Variants in SYTL2 observed in about 807,000 individuals in gnomAD.
SYTL2 encodes synaptotagmin-like protein 2.
A neutral mutation model predicts 198.7 loss-of-function variants in SYTL2; 165 were observed. The ratio of observed to expected loss-of-function variants is 0.83; its 90% CI spans 0.73 to 0.94. The LOEUF is 0.94. Ranked by LOEUF, SYTL2 falls within the 40% of genes least tolerant of loss-of-function variation. The pLI is 0.00. For missense variants in SYTL2, 2,835 were observed against 2,582.8 expected (o/e 1.10, Z -2.12); for synonymous variants, 966 against 917.7 (o/e 1.05, Z -0.95).
chr11:85,845,424 T>A, the SYTL2 span, among the ~76,000 whole-genome samples: 1 of 152,172 alleles, frequency 6.6e-6, no homozygotes, highest in Admixed American at 6.5e-5. Context: ...TAATTTGTTG[T>A]GCAATAATAG....
At chr11:85,846,246 C>T in the SYTL2 span, among the ~76,000 whole-genome samples, 3 of 152,166 alleles carry the variant, frequency 2.0e-5, no homozygotes, top group Non-Finnish European at 4.4e-5. Context: ...CCAAAAGAAC[C>T]ATGGGGAAGC....
At chr11:85,743,191 G>A (rs1251834035) in intron 4 of SYTL2, among the ~76,000 whole-genome samples, 2 of 152,192 alleles carry the variant, frequency 1.3e-5, no homozygotes, top group Non-Finnish European at 2.9e-5. Context: ...AGTTCACTTA[G>A]TCTAAAAGTA....
At chr11:85,709,148 A>C (rs2085786814) in intron 14 of SYTL2, among the ~76,000 whole-genome samples, 183 bp downstream of exon 14, 1 of 151,800 alleles carries the variant, frequency 6.6e-6, no homozygotes, top group Non-Finnish European at 1.5e-5. Flanking sequence ...TTTCTCTGTG[A>C]TTTTTATAAT....
At chr11:85,709,941 C>A (rs367745710) in intron 13 of SYTL2, among the ~76,000 whole-genome samples, 72 of 152,308 alleles carry the variant, frequency 4.7e-4, no homozygotes, top group African/African-American at 1.7e-3. Flanking sequence ...CCTCGGCCTC[C>A]CAAAGTGCTG....
chr11:85,723,222 C>T (rs939070079), intron 8 of SYTL2, among the ~76,000 whole-genome samples: 2 of 152,206 alleles, frequency 1.3e-5, no homozygotes, highest in African/African-American at 4.8e-5. Flanking sequence ...CCCCCACGTT[C>T]ATGTAGATGA....
the SYTL2 span, among the ~76,000 whole-genome samples, chr11:85,826,448 C>G: frequency 2.0e-5 from 3 of 152,168 alleles, no homozygotes; most frequent in African/African-American, 7.2e-5. Flanking sequence ...TCTGCAGATT[C>G]CATGTGTATG....
chr11:85,806,677 G>T (rs753002426), intron 1 of SYTL2, among the ~76,000 whole-genome samples: 7 of 152,180 alleles, frequency 4.6e-5, no homozygotes, highest in East Asian at 1.9e-4. Flanking sequence ...AGGAGGAGGC[G>T]TCAAAAGCTT....
intron 1 of SYTL2, among the ~76,000 whole-genome samples, chr11:85,772,973 C>A (rs1238787113): frequency 6.6e-6 from 1 of 152,188 alleles, no homozygotes; most frequent in Non-Finnish European, 1.5e-5. Flanking sequence ...ATGATAAATC[C>A]TTGGCCAAAT....
rs1339780877 is a variant in SYTL2 at position 85,734,200 on chromosome 11, CT to C, written c.1128del (p.Glu377SerfsTer35). The C allele has an allele frequency of 5.6e-6, 9 of 1,614,048 alleles. No homozygotes were observed. In the Admixed American group the frequency reaches 1.5e-4, roughly 27 times the overall value. ...KNGMEDAGDT[E>X]EFQSDPKPSQ... Reference sequence around the variant, plus strand: ...GAAGGCTTAGGGTCACTCTGAAACTCTTCTGTGTCCCCTGCATCTTCCATTC... The same window carrying C: ...GAAGGCTTAGGGTCACTCTGAAACTCTCTGTGTCCCCTGCATCTTCCATTC... On this transcript the variant is annotated frameshift_variant, in exon 7 of 20. Transcript: ENST00000359152. LOFTEE classifies it high-confidence loss of function.
In SYTL2 at chr11:85,757,857, C is replaced by T; in HGVS notation, c.-132G>A. 4 of 1,366,160 alleles carry T rather than the reference C, an allele frequency of 2.9e-6. No individual in the cohort carries two copies. Among genetic ancestry groups the T allele is most frequent in the Admixed American group, 2.2e-5 (1 of 45,452 alleles). The allele number at this position is 1,366,160 out of a possible 1,614,324, so 84.6% of individuals were successfully genotyped here. A position where few individuals can be genotyped will look rare whatever the true frequency, so the allele number is the denominator to read the frequency against. On this transcript the variant is annotated 5_prime_UTR_variant, in exon 2 of 20. Transcript: ENST00000359152. Reference sequence around the variant, plus strand: ...ATCTTGTTCAGTTCTGCATCAAAGTCTTATTTTGGCTCAGCAAAAGTTTAG... The same window carrying T: ...ATCTTGTTCAGTTCTGCATCAAAGTTTTATTTTGGCTCAGCAAAAGTTTAG...
chr11:85,709,150 T>C (rs2085787333), intron 14 of SYTL2, among the ~76,000 whole-genome samples, 181 bp downstream of exon 14: 1 of 151,992 alleles, frequency 6.6e-6, no homozygotes, highest in Non-Finnish European at 1.5e-5. Flanking sequence ...TCTCTGTGAT[T>C]TTTATAATTT....
At chr11:85,795,146 C>A (rs926963613) in intron 1 of SYTL2, among the ~76,000 whole-genome samples, 1 of 152,054 alleles carries the variant, frequency 6.6e-6, no homozygotes, top group African/African-American at 2.4e-5. Context: ...CATAGTGAAC[C>A]TTGTATTAGC....
chr11:85,736,405 T>C (rs2090339194), intron 6 of SYTL2, 96 bp downstream of exon 6: 4 of 658,800 alleles, frequency 6.1e-6, no homozygotes, highest in Non-Finnish European at 7.6e-6. Context: ...TTTCACTTTC[T>C]CTTGGAAGTT....
At position 85,714,583 on chromosome 11, in the gene SYTL2, CTTTTA is replaced by C. The variant is rs112225857; in HGVS notation, c.5531-81_5531-77del. On this transcript the variant is annotated intron_variant, in intron 11 of 19. Transcript: ENST00000359152. ...CATTAGACATTAAGTTGAAAACATA[CTTTTA>C]TTTAATCTATGAACAAACATGTTTT... is the stretch of plus-strand genomic sequence containing the variant. 644 of 1,548,910 alleles carry C rather than the reference CTTTTA, an allele frequency of 4.2e-4. 8 individuals carry two copies. In the African/African-American group the frequency reaches 4.8e-3, roughly 12 times the overall value.
chr11:85,853,341 C>T, the SYTL2 span: 1 of 444,998 alleles, frequency 2.2e-6, no homozygotes, highest in Non-Finnish European at 4.5e-6. Context: ...CCTTGGGATG[C>T]TGTTGATCTA....
the SYTL2 span, among the ~76,000 whole-genome samples, chr11:85,845,533 C>A: frequency 6.6e-6 from 1 of 151,954 alleles, no homozygotes; most frequent in Non-Finnish European, 1.5e-5. Context: ...GAGACTGAGG[C>A]GGGAGGATCA....
chr11:85,722,240 G>A (rs993896042), intron 8 of SYTL2, among the ~76,000 whole-genome samples: 23 of 143,016 alleles, frequency 1.6e-4, no homozygotes, highest in East Asian at 4.1e-4. Flanking sequence ...GTGCAGTGGC[G>A]TGATCTCGAC....
chr11:85,739,893 G>A (rs1011668359), intron 4 of SYTL2, among the ~76,000 whole-genome samples: 3 of 152,122 alleles, frequency 2.0e-5, no homozygotes, highest in African/African-American at 7.2e-5. Context: ...CAAGAGGACT[G>A]GAGGCAAGTC....
chr11:85,813,374 TGCA>T (rs1438151227), upstream of SYTL2, among the ~76,000 whole-genome samples: 3 of 152,338 alleles, frequency 2.0e-5, no homozygotes, highest in South Asian at 6.2e-4. Context: ...TAAAAGAAGA[TGCA>T]CATGTTTAGC....
Sources: allele counts gnomAD v4.1 joint callset (sites outside exome capture counted in the v4.1 genomes callset), GRCh38; gene constraint gnomAD v4.1.1; transcripts MANE v1.5; gene names NCBI Gene and HGNC (gene_info 2026-07-23, HGNC 2026-07-21).